Variants in MARS1 observed in about 807,000 individuals in gnomAD.
MARS1 encodes the protein methionine--tRNA ligase, cytoplasmic.
MARS1 carries 80 observed loss-of-function variants against 119.5 expected under a neutral mutation model. The ratio of observed to expected loss-of-function variants is 0.67; its 90% CI spans 0.56 to 0.81. The LOEUF is 0.81. Among genes scored for constraint, MARS1 ranks in the 30% least tolerant of loss-of-function variants. MARS1 has a pLI of 0.00. For synonymous variants in MARS1, 418 were observed against 433.4 expected, an observed-to-expected ratio of 0.96 and a Z score of 0.44; for missense variants, 945 against 1,116.5, an observed-to-expected ratio of 0.85 and a Z score of 2.19.
chr12:57,515,501 T>C lies in MARS1; in HGVS notation c.2391+165T>C, dbSNP rs2278846. The C allele has an allele frequency of 3.8e-3, 2,537 of 659,906 alleles. 93 individuals are homozygous for C. The East Asian group carries it at 0.058, about 15-fold the overall frequency. 40.9% of individuals were successfully genotyped at this position (659,906 alleles called of 1,614,324 possible). ...TCGTTCACAAGTCCGGAATTATCTG[T>C]ACATCTTCATTGTTCTTCATGCCAG... On this transcript the variant is annotated intron_variant, in intron 18 of 20. Transcript: ENST00000262027.
At position 57,498,551 on chromosome 12, in the gene MARS1, A is replaced by G; in HGVS notation, c.1019A>G (p.His340Arg). 6.2e-7 allele frequency: 1 copy of G among 1,614,184 alleles called. No homozygotes were observed. The highest frequency in any genetic ancestry group is 8.5e-7 in the Non-Finnish European group (1 of 1,180,028). Residue 340 changes from histidine to arginine, a missense_variant, in exon 9 of 21, where the codon CAT becomes CGT. Transcript: ENST00000262027. ...ATCTGCGACAAGTACCACATCATCC[A>G]TGCTGACATCTACCGCTGGTTTAAC... The part of the protein sequence containing the change: ...QEICDKYHII[H>R]ADIYRWFNIS...
chr12:57,508,467 C>T (rs1053836074), intron 11 of MARS1, among the ~76,000 whole-genome samples: 4 of 152,324 alleles, frequency 2.6e-5, no homozygotes, highest in South Asian at 4.1e-4. Context: ...GAGACCAGCC[C>T]GGCCAACACA....
Position 57,516,644 on chromosome 12 carries a change from C to A in MARS1, c.*63C>A. On this transcript the variant is annotated 3_prime_UTR_variant, in exon 21 of 21. Coordinates refer to ENST00000262027, the MANE Select transcript of MARS1 (RefSeq NM_004990.4). Reference sequence around the variant, plus strand: ...GGACAGTAATAAATAAATGTACAATCTCTATATACAAGCTGAGACCTTTCC... The same window carrying A: ...GGACAGTAATAAATAAATGTACAATATCTATATACAAGCTGAGACCTTTCC... 1.3e-6 allele frequency: 2 copies of A among 1,527,620 alleles called. No homozygotes were observed. Among genetic ancestry groups the A allele is most frequent in the Non-Finnish European group, 1.8e-6 (2 of 1,141,432 alleles). 94.6% of individuals were successfully genotyped at this position (1,527,620 alleles called of 1,614,324 possible). A position where few individuals can be genotyped will look rare whatever the true frequency, so the allele number is the denominator to read the frequency against.
intron 7 of MARS1, among the ~76,000 whole-genome samples, chr12:57,494,977 A>G (rs1395174342): frequency 1.3e-5 from 2 of 152,114 alleles, no homozygotes; most frequent in Admixed American, 1.3e-4. Context: ...CTATTCTACA[A>G]ATCCACCATT....
In MARS1 at chr12:57,493,712, A is replaced by ATATAT. The variant is rs1252271650; in HGVS notation, c.770+3074_770+3078dup. 5.4e-4 allele frequency among the ~76,000 whole-genome samples: 3 copies of ATATAT among 5,574 alleles called. No homozygotes were observed. The African/African-American group carries it at 5.8e-3, about 11-fold the overall frequency. 3.7% of individuals were successfully genotyped at this position (5,574 alleles called of 152,430 possible). On this transcript the variant is annotated intron_variant, in intron 7 of 20. Transcript: ENST00000262027. ...TATATATTATATATTATAATATATT[A>ATATAT]TATATTATATATTATATTATATAAT...
chr12:57,497,081 AAC>A (rs56060087), intron 7 of MARS1, among the ~76,000 whole-genome samples: 5,972 of 152,296 alleles, frequency 0.039, 184 homozygotes, highest in Non-Finnish European at 0.065. Context: ...GTGACAGGGT[AAC>A]ACAAAAGGAG....
chr12:57,495,969 C>G (rs192644221), intron 7 of MARS1, among the ~76,000 whole-genome samples: 4 of 152,240 alleles, frequency 2.6e-5, no homozygotes, highest in East Asian at 3.9e-4. Context: ...GGCCTCGGCT[C>G]GGCATCAGAG....
At chr12:57,488,272 C>T (rs557994783) in intron 1 of MARS1, 73 bp downstream of exon 1, 23 of 1,415,454 alleles carry the variant, frequency 1.6e-5, no homozygotes, top group Middle Eastern at 4.5e-4. Flanking sequence ...CTGCAGCTGT[C>T]TTTGCCAAAC....
intron 7 of MARS1, among the ~76,000 whole-genome samples, chr12:57,495,497 G>C (rs906867689): frequency 2.0e-5 from 3 of 151,698 alleles, no homozygotes; most frequent in African/African-American, 7.3e-5. Flanking sequence ...GCGGGGAAGA[G>C]GCGCTCCTCA....
intron 10 of MARS1, among the ~76,000 whole-genome samples, 161 bp downstream of exon 10, chr12:57,500,683 A>C (rs941466579): frequency 6.6e-6 from 1 of 152,090 alleles, no homozygotes; most frequent in African/African-American, 2.4e-5. Context: ...TCATTTGAAA[A>C]ATACTCCCTG....
chr12:57,494,436 TCCTGTCTCAG>T (rs1221884060), intron 7 of MARS1, among the ~76,000 whole-genome samples: 1 of 149,216 alleles, frequency 6.7e-6, no homozygotes, highest in Non-Finnish European at 1.5e-5. Flanking sequence ...CAAGTGATTC[TCCTGTCTCAG>T]CCTCCTGAGT....
intron 11 of MARS1, 28 bp downstream of exon 11, chr12:57,504,327 T>A: frequency 1.3e-6 from 2 of 1,595,228 alleles, no homozygotes; most frequent in Non-Finnish European, 1.7e-6. Context: ...TCAACCTAGT[T>A]TTCAGGAGGC....
chr12:57,490,689 G>A, intron 7 of MARS1, 45 bp downstream of exon 7: 3 of 1,561,646 alleles, frequency 1.9e-6, no homozygotes, highest in East Asian at 4.5e-5. Flanking sequence ...TTTTGTAGTG[G>A]AAATTGTTGA....
At chr12:57,511,094 C>T (rs1265615500) in intron 11 of MARS1, among the ~76,000 whole-genome samples, 1 of 150,692 alleles carries the variant, frequency 6.6e-6, no homozygotes, top group Non-Finnish European at 1.5e-5. Context: ...ACATCCTCTG[C>T]ACAAGAATGA....
chr12:57,499,316 C>T (rs995630287), intron 9 of MARS1, among the ~76,000 whole-genome samples: 1 of 139,184 alleles, frequency 7.2e-6, no homozygotes, highest in Admixed American at 7.3e-5. Context: ...AAGGCTGGGG[C>T]TGGGCGCGGT....
intron 9 of MARS1, 25 bp from the exon 10 acceptor site, chr12:57,500,296 C>T: frequency 6.2e-7 from 1 of 1,609,346 alleles, no homozygotes; most frequent in South Asian, 1.1e-5. Context: ...ACTGTCTCTT[C>T]CTGATCCCTG....
intron 7 of MARS1, 102 bp from the exon 8 acceptor site, chr12:57,498,055 A>C: frequency 1.3e-6 from 1 of 764,154 alleles, no homozygotes; most frequent in Non-Finnish European, 2.3e-6. Flanking sequence ...ACATGAACAC[A>C]TGACAGTAGA....
In MARS1 at chr12:57,489,250, G is replaced by A; in HGVS notation, c.201-17G>A. On this transcript the variant is annotated splice_polypyrimidine_tract_variant and intron_variant, in intron 2 of 20. Coordinates refer to ENST00000262027, the MANE Select transcript of MARS1 (RefSeq NM_004990.4). ...GGCCCCTCTAAGTCCATCATCTGTT[G>A]CTCTCTCTCTGGGCAGATATTTTTT... The A allele has an allele frequency of 6.2e-7, 1 of 1,612,698 alleles. No individual in the cohort carries two copies. Among genetic ancestry groups the A allele is most frequent in the Non-Finnish European group, 8.5e-7 (1 of 1,179,190 alleles).
chr12:57,495,632 T>A (rs986903586), intron 7 of MARS1, among the ~76,000 whole-genome samples: 1 of 152,134 alleles, frequency 6.6e-6, no homozygotes, highest in African/African-American at 2.4e-5. Flanking sequence ...CTTGGCACTT[T>A]GGGAGGCCAA....
Sources: gnomAD v4.1 joint callset for allele counts (sites outside exome capture counted in the v4.1 genomes callset) on GRCh38, gnomAD v4.1.1 for gene constraint, MANE v1.5 for transcripts, NCBI Gene and HGNC (gene_info 2026-07-23, HGNC 2026-07-21) for gene names.